The following ADCY8 variants were observed in gnomAD, a reference collection of about 807,000 sequenced individuals.
ADCY8 encodes adenylate cyclase 8.
A neutral mutation model predicts 119.7 loss-of-function variants in ADCY8; 51 were observed. The ratio of observed to expected loss-of-function variants is 0.43; its 90% CI spans 0.34 to 0.54. ADCY8 has a LOEUF of 0.54. Among genes scored for constraint, ADCY8 ranks in the 20% least tolerant of loss-of-function variants. The pLI, the probability that ADCY8 is intolerant of heterozygous loss-of-function variation, is 0.03. For synonymous variants in ADCY8, 665 were observed against 651.0 expected (o/e 1.02, Z -0.33); for missense variants, 1,383 against 1,598.8 (o/e 0.87, Z 2.30).
At chr8:131,015,117 T>C (rs1823429124) in intron 1 of ADCY8, among the ~76,000 whole-genome samples, 2 of 152,302 alleles carry the variant, frequency 1.3e-5, no homozygotes, top group Admixed American at 1.3e-4. Flanking sequence ...AATTGATTGA[T>C]AAAGAGCAGT....
At chr8:130,869,974 T>TTCCTCC (rs747794446) in intron 8 of ADCY8, among the ~76,000 whole-genome samples, 1 of 148,624 alleles carries the variant, frequency 6.7e-6, no homozygotes, top group African/African-American at 2.5e-5. Flanking sequence ...TTCTTCCTTC[T>TTCCTCC]TCCTCCTCCT....
At chr8:130,846,888 T>TTCCCTTCCTTCCTTCCTTCCTTCC (rs56726941) in intron 11 of ADCY8, among the ~76,000 whole-genome samples, 1 of 19,834 alleles carries the variant, frequency 5.0e-5, no homozygotes, top group African/African-American at 2.5e-4. Context: ...TTCCCTTCCC[T>TTCCCTTCCTTCCTTCCTTCCTTCC]TTCCTTCCTT....
At chr8:130,790,088 T>G (rs933103262) in intron 15 of ADCY8, among the ~76,000 whole-genome samples, 3 of 152,216 alleles carry the variant, frequency 2.0e-5, no homozygotes, top group Non-Finnish European at 2.9e-5. Flanking sequence ...TTGATGGGCT[T>G]GCCGTGTCCT....
intron 5 of ADCY8, among the ~76,000 whole-genome samples, chr8:130,911,933 C>T (rs12543858): frequency 0.47 from 72,036 of 151,946 alleles, 18,574 homozygotes; most frequent in East Asian, 0.63. Flanking sequence ...CTGTCCAGTG[C>T]CTTAGTTATT....
chr8:130,787,857 C>T (rs1021167456), intron 15 of ADCY8, among the ~76,000 whole-genome samples: 1 of 151,476 alleles, frequency 6.6e-6, no homozygotes, highest in Admixed American at 6.6e-5. Flanking sequence ...TGTAGTCATG[C>T]ACATATATGT....
chr8:131,010,936 T>C (rs1369739039), intron 1 of ADCY8, among the ~76,000 whole-genome samples: 1 of 152,254 alleles, frequency 6.6e-6, no homozygotes, highest in Admixed American at 6.5e-5. Flanking sequence ...TACTCAGCTG[T>C]TGGTTTTAAA....
intron 9 of ADCY8, among the ~76,000 whole-genome samples, chr8:130,864,628 T>C (rs1344958486): frequency 1.3e-5 from 2 of 152,190 alleles, no homozygotes; most frequent in African/African-American, 4.8e-5. Context: ...TTCCTTGGCC[T>C]TTCTGAGCCT....
intron 4 of ADCY8, among the ~76,000 whole-genome samples, chr8:130,943,038 T>TTCA (rs1821002772): frequency 6.6e-6 from 1 of 152,124 alleles, no homozygotes; most frequent in Non-Finnish European, 1.5e-5. Flanking sequence ...AAGCTGCAGC[T>TTCA]GGATGGCACC....
At chr8:130,968,172 T>A (rs1821818131) in intron 2 of ADCY8, among the ~76,000 whole-genome samples, 1 of 150,384 alleles carries the variant, frequency 6.6e-6, no homozygotes, top group Non-Finnish European at 1.5e-5. Context: ...AAAGTTATTC[T>A]GCTTTTTTTT....
In ADCY8 at chr8:130,801,899, CTTT is replaced by C. The variant is rs34853195; in HGVS notation, c.2914-1330_2914-1328del. 3.1e-3 allele frequency among the ~76,000 whole-genome samples: 305 copies of C among 97,782 alleles called. 2 individuals are homozygous for C. The highest frequency in any genetic ancestry group is 9.1e-3 in the African/African-American group (236 of 25,802). The allele number at this position is 97,782 out of a possible 152,430, so 64.1% of individuals were successfully genotyped here. On this transcript the variant is annotated intron_variant, in intron 14 of 17. Transcript: ENST00000286355. ...TCATGCCTGGCCCCTTTGAGAATGC[CTTT>C]TTTTTTTTTTTTTTTTTGCTTCTCT...
In ADCY8 at chr8:130,811,980, A is replaced by G. The variant is rs574688372; in HGVS notation, c.2913+2089T>C. ...ACTTTCCCTTGAAGGTTAGAGGGGG[A>G]ACCAAATCATTTGATTTTGTCATTT... On this transcript the variant is annotated intron_variant, in intron 14 of 17. Coordinates refer to ENST00000286355, the MANE Select transcript of ADCY8 (RefSeq NM_001115.3). Among the ~76,000 whole-genome samples, 40 of 152,234 alleles carry G rather than the reference A, an allele frequency of 2.6e-4. No individual in the cohort carries two copies. The South Asian group carries it at 5.2e-3, about 20-fold the overall frequency.
intron 9 of ADCY8, among the ~76,000 whole-genome samples, chr8:130,862,268 A>C (rs891052520): frequency 6.6e-6 from 1 of 152,096 alleles, no homozygotes; most frequent in Admixed American, 6.5e-5. Flanking sequence ...TAGTTTCCCA[A>C]GGTAGAAGCT....
intron 1 of ADCY8, among the ~76,000 whole-genome samples, chr8:131,008,026 C>A (rs951018299): frequency 6.6e-6 from 1 of 151,982 alleles, no homozygotes; most frequent in Non-Finnish European, 1.5e-5. Context: ...TTAGGGTGAC[C>A]ATATAATTTA....
chr8:130,813,105 G>A (rs970181773), intron 14 of ADCY8, among the ~76,000 whole-genome samples: 18 of 151,946 alleles, frequency 1.2e-4, no homozygotes, highest in Admixed American at 9.2e-4. Flanking sequence ...CTGCCCCCAC[G>A]CTTGGCTAAT....
At chr8:130,959,904 C>T (rs540836226) in intron 2 of ADCY8, among the ~76,000 whole-genome samples, 2 of 152,118 alleles carry the variant, frequency 1.3e-5, no homozygotes, top group South Asian at 4.1e-4. Context: ...GTGTTTATCT[C>T]GAGAGTTACC....
chr8:130,847,067 C>T (rs1458313670), intron 11 of ADCY8, among the ~76,000 whole-genome samples: 2 of 150,098 alleles, frequency 1.3e-5, no homozygotes, highest in South Asian at 2.1e-4. Flanking sequence ...CAGGATTTTA[C>T]AAATAAGCTA....
intron 12 of ADCY8, among the ~76,000 whole-genome samples, chr8:130,830,820 C>G (rs928306984): frequency 1.3e-5 from 2 of 152,238 alleles, no homozygotes; most frequent in African/African-American, 2.4e-5. Flanking sequence ...GAATTAAAAA[C>G]ATGCCCACTG....
At chr8:130,957,209 T>G (rs548389306) in intron 2 of ADCY8, among the ~76,000 whole-genome samples, 1 of 152,294 alleles carries the variant, frequency 6.6e-6, no homozygotes, top group African/African-American at 2.4e-5. Flanking sequence ...AGGTCCTGGC[T>G]GAGATGGTCT....
At chr8:130,965,007 T>G (rs1821720548) in intron 2 of ADCY8, among the ~76,000 whole-genome samples, 1 of 152,206 alleles carries the variant, frequency 6.6e-6, no homozygotes, top group South Asian at 2.1e-4. Flanking sequence ...CTTTGCCCAC[T>G]TTTTAAAGGG....
Sources: allele counts gnomAD v4.1 joint callset (sites outside exome capture counted in the v4.1 genomes callset), GRCh38; gene constraint gnomAD v4.1.1; transcripts MANE v1.5; gene names NCBI Gene and HGNC (gene_info 2026-07-23, HGNC 2026-07-21).